RAP1GAP2: variants seen among roughly 807,000 people sequenced by gnomAD.
The protein encoded by RAP1GAP2 is RAP1 GTPase activating protein 2, also known as rap1 GTPase-activating protein 2.
A neutral mutation model predicts 95.0 loss-of-function variants in RAP1GAP2; 27 were observed. The ratio of observed to expected loss-of-function variants is 0.28; its 90% CI spans 0.21 to 0.39. The LOEUF is 0.39. Among genes scored for constraint, RAP1GAP2 ranks in the 10% least tolerant of loss-of-function variants. The pLI is 1.00. For missense variants in RAP1GAP2, 771 were observed against 970.0 expected (o/e 0.79, Z 2.72); for synonymous variants, 373 against 380.9 (o/e 0.98, Z 0.24).
At chr17:2,942,030 A>T (rs138078954) in intron 3 of RAP1GAP2, among the ~76,000 whole-genome samples, 2,039 of 152,160 alleles carry the variant, frequency 0.013, 49 homozygotes, top group African/African-American at 0.043. Flanking sequence ...CTTTTGAGGG[A>T]AAGAATGAAT....
chr17:2,853,792 C>T (rs1413832790), intron 2 of RAP1GAP2, among the ~76,000 whole-genome samples: 1 of 147,170 alleles, frequency 6.8e-6, no homozygotes, highest in East Asian at 2.0e-4. Context: ...GCCCCGCGGG[C>T]CCCGAGGAGA....
intron 2 of RAP1GAP2, among the ~76,000 whole-genome samples, chr17:2,873,925 G>A (rs2072969201): frequency 6.6e-6 from 1 of 151,564 alleles, no homozygotes; most frequent in Non-Finnish European, 1.5e-5. Flanking sequence ...ACCACGCCTG[G>A]CTAATTCTGT....
intron 3 of RAP1GAP2, among the ~76,000 whole-genome samples, chr17:2,945,522 G>A (rs1005544120): frequency 5.3e-5 from 8 of 151,494 alleles, no homozygotes; most frequent in African/African-American, 1.9e-4. Context: ...TGGTAGTGGT[G>A]AAAGTGAGTT....
At chr17:2,977,221 G>C (rs2045161490) in intron 8 of RAP1GAP2, among the ~76,000 whole-genome samples, 1 of 151,982 alleles carries the variant, frequency 6.6e-6, no homozygotes, top group Admixed American at 6.5e-5. Context: ...AGTCTTCAGA[G>C]AATACCAAAA....
chr17:2,758,083 A>C (rs1200996650), intron 1 of RAP1GAP2, among the ~76,000 whole-genome samples: 1 of 145,652 alleles, frequency 6.9e-6, no homozygotes, highest in Non-Finnish European at 1.5e-5. Flanking sequence ...GTTAGCCCGG[A>C]TGGTGTCGAT....
chr17:2,861,356 G>C (rs73310102), intron 2 of RAP1GAP2, among the ~76,000 whole-genome samples: 4,554 of 152,006 alleles, frequency 0.03, 225 homozygotes, highest in African/African-American at 0.1. Flanking sequence ...CTTTACCTCT[G>C]GGTCTCCATT....
intron 2 of RAP1GAP2, among the ~76,000 whole-genome samples, chr17:2,899,910 GT>G (rs1365493452): frequency 2.0e-5 from 3 of 152,152 alleles, no homozygotes; most frequent in Non-Finnish European, 4.4e-5. Flanking sequence ...TTATCTGTTC[GT>G]TGGCGGATGG....
intron 19 of RAP1GAP2, 56 bp from the exon 20 acceptor site, chr17:3,025,952 G>A: frequency 4.6e-6 from 6 of 1,315,072 alleles, no homozygotes; most frequent in South Asian, 2.5e-5. Context: ...GGCCGTGGAT[G>A]GGGTGGGGGT....
intron 9 of RAP1GAP2, among the ~76,000 whole-genome samples, chr17:2,980,756 T>G (rs1469749269): frequency 6.6e-6 from 1 of 151,826 alleles, no homozygotes. Flanking sequence ...AAGGGCTGAG[T>G]TGGGCTGAAG....
At chr17:3,026,558 G>A (rs1423430600) in intron 21 of RAP1GAP2, 94 bp downstream of exon 21, 4 of 1,069,724 alleles carry the variant, frequency 3.7e-6, no homozygotes, top group Non-Finnish European at 5.3e-6. Flanking sequence ...CGAAGCCCAT[G>A]TCAGTCTTTG....
At chr17:2,880,417 G>A (rs1279778951) in intron 2 of RAP1GAP2, among the ~76,000 whole-genome samples, 1 of 151,682 alleles carries the variant, frequency 6.6e-6, no homozygotes, top group Non-Finnish European at 1.5e-5. Flanking sequence ...AAGGAGGACA[G>A]AATAATCCAC....
chr17:2,838,365 T>C (rs1212579317), intron 2 of RAP1GAP2, among the ~76,000 whole-genome samples: 1 of 151,814 alleles, frequency 6.6e-6, no homozygotes, highest in East Asian at 1.9e-4. Flanking sequence ...GAGTGGTAGG[T>C]GTGGAAGTGC....
In RAP1GAP2 at chr17:2,902,280, G is replaced by A. The variant is rs1031574168; in HGVS notation, c.81-3004G>A. 2.0e-5 allele frequency among the ~76,000 whole-genome samples: 3 copies of A among 151,526 alleles called. No homozygotes were observed. Among genetic ancestry groups the A allele is most frequent in the Non-Finnish European group, 4.4e-5 (3 of 67,934 alleles). The stretch of plus-strand genomic sequence containing the variant: ...CACCCGAGCTGGAGTGCAGTGGCAC[G>A]ATCTCAGCTCACTGCAACCTCCACC... On this transcript the variant is annotated intron_variant, in intron 2 of 24. Coordinates refer to ENST00000254695, the MANE Select transcript of RAP1GAP2 (RefSeq NM_015085.5). The surrounding 1 kb of genome is among the most constrained non-coding windows in gnomAD (Gnocchi z 4.1).
chr17:2,977,707 C>T (rs180835629), intron 8 of RAP1GAP2, among the ~76,000 whole-genome samples: 1,625 of 146,054 alleles, frequency 0.011, 26 homozygotes, highest in African/African-American at 0.038. Context: ...ATTGTACCAC[C>T]GCACTCCAGC....
intron 3 of RAP1GAP2, among the ~76,000 whole-genome samples, chr17:2,932,584 C>T (rs1169194953): frequency 1.9e-5 from 1 of 52,328 alleles, no homozygotes; most frequent in Non-Finnish European, 3.7e-5. Flanking sequence ...GACTCCATCT[C>T]AAAAAAAAAA....
intron 1 of RAP1GAP2, among the ~76,000 whole-genome samples, chr17:2,765,720 G>T (rs2068262478): frequency 6.6e-6 from 1 of 151,088 alleles, no homozygotes; most frequent in African/African-American, 2.5e-5. Context: ...CCCAGACTGG[G>T]CGACAGAGGG....
At chr17:2,772,843 T>TTTTC (rs60767054), upstream of RAP1GAP2, among the ~76,000 whole-genome samples, 26,981 of 130,144 alleles carry the variant, frequency 0.21, 3,264 homozygotes, top group East Asian at 0.47. Flanking sequence ...TTCTTTTTCT[T>TTTTC]TTTCTTTCTT....
intron 1 of RAP1GAP2, chr17:2,800,189 A>T: frequency 1.0e-6 from 1 of 985,412 alleles, no homozygotes; most frequent in Non-Finnish European, 1.2e-6. Context: ...GAGGCTGCAT[A>T]CAAAGTGCTT....
chr17:2,874,599 G>T (rs1056145945), intron 2 of RAP1GAP2, among the ~76,000 whole-genome samples: 1 of 152,170 alleles, frequency 6.6e-6, no homozygotes, highest in African/African-American at 2.4e-5. Context: ...GAAAGGACCC[G>T]ATCAAGGTCA....
Sources: allele counts gnomAD v4.1 joint callset (sites outside exome capture counted in the v4.1 genomes callset), GRCh38; gene constraint gnomAD v4.1.1; non-coding constraint Gnocchi (gnomAD v3.1); transcripts MANE v1.5; gene names NCBI Gene and HGNC (gene_info 2026-07-23, HGNC 2026-07-21).